Variants in GRIN3A observed in about 807,000 individuals in gnomAD.
The protein encoded by GRIN3A is glutamate ionotropic receptor NMDA type subunit 3A, also known as glutamate receptor ionotropic, NMDA 3A.
A neutral mutation model predicts 92.4 loss-of-function variants in GRIN3A; 47 were observed. The ratio of observed to expected loss-of-function variants is 0.51; its 90% CI spans 0.40 to 0.65. The LOEUF (loss-of-function observed/expected upper bound fraction) is 0.65, where lower values mean the gene tolerates loss of function less well. Ranked by LOEUF, GRIN3A falls within the 30% of genes least tolerant of loss-of-function variation. The pLI, the probability that GRIN3A is intolerant of heterozygous loss-of-function variation, is 0.00. For missense variants in GRIN3A, 1,324 were observed against 1,393.1 expected (o/e 0.95, Z 0.79); for synonymous variants, 527 against 540.6 (o/e 0.97, Z 0.35).
At chr9:101,598,880 A>G (rs1564122928) in intron 6 of GRIN3A, among the ~76,000 whole-genome samples, 1 of 152,182 alleles carries the variant, frequency 6.6e-6, no homozygotes, top group Non-Finnish European at 1.5e-5. Context: ...AAATGCAGTA[A>G]CCAACATCAC....
chr9:101,614,704 T>G (rs952873309), intron 5 of GRIN3A, among the ~76,000 whole-genome samples: 4 of 147,158 alleles, frequency 2.7e-5, no homozygotes, highest in African/African-American at 1.0e-4. Context: ...ACTGCAACCT[T>G]GACCTCCTGG....
chr9:101,596,445 A>T (rs73659536), intron 6 of GRIN3A, among the ~76,000 whole-genome samples: 4,411 of 152,310 alleles, frequency 0.029, 182 homozygotes, highest in African/African-American at 0.1. Flanking sequence ...AATATTAAGG[A>T]TACCACCTTA....
Position 101,670,575 on chromosome 9 carries a change from A to G in GRIN3A, c.1837T>C (p.Trp613Arg), listed in dbSNP as rs1829303689. Residue 613 changes from tryptophan (W) to arginine (R), a missense_variant, in exon 3 of 9, where the codon TGG becomes CGG. Coordinates refer to ENST00000361820, the MANE Select transcript of GRIN3A (RefSeq NM_133445.3). ...AGGAGATCACCCACTAGCCCAGTCCAGTGCCCATTTTTCCATGCTCCATAC... is the reference window on the plus strand; with the variant it reads ...AGGAGATCACCCACTAGCCCAGTCCGGTGCCCATTTTTCCATGCTCCATAC... ...GKYGAWKNGHWTGLVGDLLRG... is the reference protein window; with the variant it reads ...GKYGAWKNGHRTGLVGDLLRG... 2 of 1,614,082 alleles carry G rather than the reference A, an allele frequency of 1.2e-6. No homozygotes were observed. The highest frequency in any genetic ancestry group is 1.7e-6 in the Non-Finnish European group (2 of 1,179,976).
intron 1 of GRIN3A, among the ~76,000 whole-genome samples, chr9:101,689,730 GCACACACACACATACACACACACA>G (rs1829589324): frequency 2.9e-5 from 4 of 138,930 alleles, no homozygotes; most frequent in South Asian, 4.7e-4. Context: ...GCATACACAT[GCACACACACACATACACACACACA>G]CACACACACA....
At chr9:101,574,618 CCTT>C (rs1473434531) in intron 8 of GRIN3A, among the ~76,000 whole-genome samples, 3 of 152,070 alleles carry the variant, frequency 2.0e-5, no homozygotes. Context: ...TGGCCATAAA[CCTT>C]CTTTTCTCCT....
intron 1 of GRIN3A, among the ~76,000 whole-genome samples, chr9:101,693,892 TCTA>T (rs1431294561): frequency 6.6e-6 from 1 of 152,228 alleles, no homozygotes; most frequent in Non-Finnish European, 1.5e-5. Context: ...TCATTTCAAT[TCTA>T]CTGAATTTCA....
intron 4 of GRIN3A, among the ~76,000 whole-genome samples, chr9:101,626,199 A>T (rs1246796805): frequency 6.6e-6 from 1 of 152,246 alleles, no homozygotes; most frequent in Non-Finnish European, 1.5e-5. Flanking sequence ...TTTCTTAAGC[A>T]TTATTTAAAA....
chr9:101,737,214 C>G lies in GRIN3A; in HGVS notation c.699+67G>C, dbSNP rs527991736. The stretch of plus-strand genomic sequence containing the variant: ...CAGACTTTACCAAGCCGTTTTCTCT[C>G]CCCTCATGCAATGGCCCCGGCCCCC... On this transcript the variant is annotated intron_variant, in intron 1 of 8. Coordinates refer to ENST00000361820, the MANE Select transcript of GRIN3A (RefSeq NM_133445.3). 143 of 1,321,174 alleles carry G rather than the reference C, an allele frequency of 1.1e-4. No individual in the cohort carries two copies. The South Asian group carries it at 1.2e-3, about 11-fold the overall frequency. The allele number at this position is 1,321,174 out of a possible 1,614,324, so 81.8% of individuals were successfully genotyped here.
intron 6 of GRIN3A, among the ~76,000 whole-genome samples, chr9:101,603,537 G>C (rs1828237604): frequency 6.6e-6 from 1 of 152,162 alleles, no homozygotes; most frequent in Non-Finnish European, 1.5e-5. Context: ...TGCTCCCAGA[G>C]CTGAAATTCT....
chr9:101,690,733 A>G (rs1829604321), intron 1 of GRIN3A, among the ~76,000 whole-genome samples: 11 of 152,234 alleles, frequency 7.2e-5, no homozygotes, highest in Admixed American at 6.5e-4. Context: ...TGTCATTTTT[A>G]TAAAGCAATA....
chr9:101,691,507 T>G (rs1588285246), intron 1 of GRIN3A, among the ~76,000 whole-genome samples: 1 of 152,196 alleles, frequency 6.6e-6, no homozygotes, highest in Non-Finnish European at 1.5e-5. Flanking sequence ...GAGATGTATT[T>G]GAAAACAATT....
At chr9:101,635,989 C>G (rs1828779469) in intron 3 of GRIN3A, among the ~76,000 whole-genome samples, 1 of 152,184 alleles carries the variant, frequency 6.6e-6, no homozygotes, top group African/African-American at 2.4e-5. Flanking sequence ...GATTATCATG[C>G]CCCAGCCTCC....
At chr9:101,661,452 T>C (rs1352536462) in intron 3 of GRIN3A, among the ~76,000 whole-genome samples, 2 of 151,876 alleles carry the variant, frequency 1.3e-5, no homozygotes, top group Non-Finnish European at 2.9e-5. Context: ...AGCATGTACA[T>C]ATGCATATTA....
chr9:101,722,389 T>G (rs1281688445), intron 1 of GRIN3A, among the ~76,000 whole-genome samples: 5 of 152,346 alleles, frequency 3.3e-5, no homozygotes, highest in Non-Finnish European at 5.9e-5. Flanking sequence ...AAGGGAAATG[T>G]GGGGTCGGAG....
At chr9:101,625,233 C>A (rs1411495363) in intron 4 of GRIN3A, among the ~76,000 whole-genome samples, 2 of 151,994 alleles carry the variant, frequency 1.3e-5, no homozygotes, top group Non-Finnish European at 2.9e-5. Flanking sequence ...ATTTTCTACC[C>A]TTAGAGTTGT....
At chr9:101,601,310 C>A (rs73507300) in intron 6 of GRIN3A, among the ~76,000 whole-genome samples, 3,242 of 152,078 alleles carry the variant, frequency 0.021, 120 homozygotes, top group African/African-American at 0.074. Flanking sequence ...GGAAAGCACA[C>A]GTTTTATCAA....
At chr9:101,729,866 G>A (rs922420082) in intron 1 of GRIN3A, among the ~76,000 whole-genome samples, 1 of 152,104 alleles carries the variant, frequency 6.6e-6, no homozygotes, top group Non-Finnish European at 1.5e-5. Flanking sequence ...CAAGTCGTAT[G>A]TCCCAACTCA....
At chr9:101,725,060 T>C (rs1053502359) in intron 1 of GRIN3A, among the ~76,000 whole-genome samples, 3 of 152,238 alleles carry the variant, frequency 2.0e-5, no homozygotes, top group African/African-American at 7.2e-5. Context: ...TAATACAGTT[T>C]CTTGAGTGTG....
At chr9:101,723,830 C>A (rs1036403431) in intron 1 of GRIN3A, among the ~76,000 whole-genome samples, 1 of 152,084 alleles carries the variant, frequency 6.6e-6, no homozygotes, top group East Asian at 1.9e-4. Context: ...TGTTTACAAA[C>A]CTTGAGCTAG....
Sources: gnomAD v4.1 joint callset for allele counts (sites outside exome capture counted in the v4.1 genomes callset) on GRCh38, gnomAD v4.1.1 for gene constraint, MANE v1.5 for transcripts, NCBI Gene and HGNC (gene_info 2026-07-23, HGNC 2026-07-21) for gene names.